The following FYB2 variants were observed in gnomAD, a reference collection of about 807,000 sequenced individuals.
FYB2 encodes FYN binding protein 2, also known as FYN-binding protein 2.
FYB2 carries 103 observed loss-of-function variants against 94.1 expected under a neutral mutation model. That is an observed-to-expected ratio of 1.09 (90% CI 0.93 to 1.29). The LOEUF is 1.29. Ranked by LOEUF, FYB2 falls within the 50% of genes most tolerant of loss-of-function variation. The pLI is 0.00. For missense variants in FYB2, 896 were observed against 841.5 expected, an observed-to-expected ratio of 1.06 and a Z score of -0.80; for synonymous variants, 293 against 287.9, an observed-to-expected ratio of 1.02 and a Z score of -0.18.
intron 2 of FYB2, among the ~76,000 whole-genome samples, chr1:56,789,544 A>T (rs1225856590): frequency 6.6e-6 from 1 of 152,220 alleles, no homozygotes; most frequent in East Asian, 1.9e-4. Context: ...GTTCTGGAAC[A>T]CTTTTCCCTT....
chr1:56,756,007 A>G, intron 6 of FYB2, 80 bp from the exon 7 acceptor site: 1 of 1,374,742 alleles, frequency 7.3e-7, no homozygotes, highest in Non-Finnish European at 1.0e-6. Flanking sequence ...ATCATTAGAG[A>G]CTACACCAAA....
chr1:56,780,062 T>C (rs1645972367), intron 4 of FYB2, among the ~76,000 whole-genome samples: 1 of 152,210 alleles, frequency 6.6e-6, no homozygotes, highest in Non-Finnish European at 1.5e-5. Context: ...GTCATTGGTC[T>C]AGAATGAGTC....
At chr1:56,738,698 T>A (rs767023993) in intron 13 of FYB2, 45 bp from the exon 14 acceptor site, 1 of 1,589,888 alleles carries the variant, frequency 6.3e-7, no homozygotes, top group East Asian at 2.2e-5. Context: ...AAAAAAACCA[T>A]GTTTGGAAAG....
intron 16 of FYB2, among the ~76,000 whole-genome samples, chr1:56,723,982 T>A (rs1644537140): frequency 6.6e-6 from 1 of 151,818 alleles, no homozygotes; most frequent in Non-Finnish European, 1.5e-5. Flanking sequence ...GGCAAGATAA[T>A]AACGGGATAA....
In FYB2 at chr1:56,720,074, A is replaced by G; in HGVS notation, c.2132-19T>C. 1.9e-6 allele frequency: 3 copies of G among 1,597,592 alleles called. No individual in the cohort carries two copies. Among genetic ancestry groups the G allele is most frequent in the Non-Finnish European group, 2.6e-6 (3 of 1,174,224 alleles). ...TATCCATCTAATAGAAACAAAAGTCACCGTTAATTTGAAAGTTATAGAGAA... is the reference window on the plus strand; with the variant it reads ...TATCCATCTAATAGAAACAAAAGTCGCCGTTAATTTGAAAGTTATAGAGAA... On this transcript the variant is annotated intron_variant, in intron 18 of 19. Transcript: ENST00000343433.
At chr1:56,812,686 C>T (rs2101089272) in intron 1 of FYB2, among the ~76,000 whole-genome samples, 1 of 152,242 alleles carries the variant, frequency 6.6e-6, no homozygotes, top group East Asian at 1.9e-4. Flanking sequence ...CAGGGAGGAA[C>T]ACTGACCATG....
chr1:56,814,618 T>C (rs1316290014), intron 1 of FYB2, among the ~76,000 whole-genome samples: 1 of 152,174 alleles, frequency 6.6e-6, no homozygotes, highest in Admixed American at 6.5e-5. Context: ...GACTTGTGAC[T>C]AATTGTGTGA....
intron 5 of FYB2, among the ~76,000 whole-genome samples, chr1:56,762,372 T>A (rs1257830759): frequency 1.3e-5 from 2 of 152,210 alleles, no homozygotes; most frequent in African/African-American, 4.8e-5. Context: ...AAACATGGTA[T>A]GTCTCTCCAC....
rs150617446 is a variant in FYB2 at position 56,795,785 on chromosome 1, C to T, written c.10-2982G>A. Reference sequence around the variant, plus strand: ...ACAATGTTGTTGCTTAGATTTTAGTCTCTGTAGGATTAATTAAGCAAAGCC... The same window carrying T: ...ACAATGTTGTTGCTTAGATTTTAGTTTCTGTAGGATTAATTAAGCAAAGCC... On this transcript the variant is annotated intron_variant, in intron 1 of 19. Coordinates refer to ENST00000343433, the MANE Select transcript of FYB2 (RefSeq NM_001004303.5). 2.3e-3 allele frequency among the ~76,000 whole-genome samples: 351 copies of T among 152,214 alleles called. 3 individuals carry two copies. The highest frequency in any genetic ancestry group is 8.0e-3 in the African/African-American group (333 of 41,514).
upstream of FYB2, chr1:56,824,024 G>A (rs1163490971): frequency 6.6e-6 from 1 of 152,170 alleles, no homozygotes; most frequent in East Asian, 1.9e-4. Context: ...CTCTCTTTGG[G>A]TTTGTTTTTC....
chr1:56,817,161 G>A (rs1000136970), intron 1 of FYB2, among the ~76,000 whole-genome samples: 1 of 152,166 alleles, frequency 6.6e-6, no homozygotes, highest in African/African-American at 2.4e-5. Context: ...GGAAATGCTT[G>A]AGTTTCAACA....
At chr1:56,762,606 T>C (rs1475148541) in intron 5 of FYB2, among the ~76,000 whole-genome samples, 1 of 152,224 alleles carries the variant, frequency 6.6e-6, no homozygotes, top group African/African-American at 2.4e-5. Context: ...AAATCATTTA[T>C]TAGTTCTAGG....
chr1:56,763,233 C>T (rs1331804326), intron 5 of FYB2, among the ~76,000 whole-genome samples: 3 of 152,106 alleles, frequency 2.0e-5, no homozygotes, highest in Admixed American at 1.3e-4. Context: ...TTCTTTTGTA[C>T]TGCCTTTGTC....
chr1:56,745,367 A>G (rs1447179455), intron 9 of FYB2, among the ~76,000 whole-genome samples: 2 of 151,954 alleles, frequency 1.3e-5, no homozygotes, highest in Non-Finnish European at 2.9e-5. Context: ...TACATTCCAA[A>G]CCAAAATCAT....
intron 1 of FYB2, among the ~76,000 whole-genome samples, chr1:56,810,668 A>T (rs1646747617): frequency 6.6e-6 from 1 of 152,210 alleles, no homozygotes; most frequent in East Asian, 1.9e-4. Flanking sequence ...AGACTTTGTT[A>T]CTTAGCTGAG....
At chr1:56,809,010 TATAG>T (rs1442150937) in intron 1 of FYB2, among the ~76,000 whole-genome samples, 1 of 152,212 alleles carries the variant, frequency 6.6e-6, no homozygotes, top group Non-Finnish European at 1.5e-5. Flanking sequence ...CATACACATA[TATAG>T]ATATAAATAT....
intron 1 of FYB2, among the ~76,000 whole-genome samples, chr1:56,799,087 G>A (rs1646463957): frequency 6.6e-6 from 1 of 152,042 alleles, no homozygotes; most frequent in African/African-American, 2.4e-5. Flanking sequence ...TATATATGAT[G>A]TCTTAATTAA....
chr1:56,750,277 G>C (rs1645164888), intron 9 of FYB2, among the ~76,000 whole-genome samples: 1 of 152,036 alleles, frequency 6.6e-6, no homozygotes, highest in African/African-American at 2.4e-5. Context: ...GAAATTAGTA[G>C]TAGTATCACC....
Position 56,719,427 on chromosome 1 carries a change from C to T in FYB2, c.*244G>A. On this transcript the variant is annotated 3_prime_UTR_variant, in exon 20 of 20. Transcript: ENST00000343433. ...ATGCTAACACATACTGTTTCACATT[C>T]TCTTGAACTGACAGTGAAGTAGATA... 1 of 454,012 alleles carries T rather than the reference C, an allele frequency of 2.2e-6. No homozygotes were observed. The highest frequency in any genetic ancestry group is 3.9e-6 in the Non-Finnish European group (1 of 256,418). 28.1% of individuals were successfully genotyped at this position (454,012 alleles called of 1,614,324 possible). A position where few individuals can be genotyped will look rare whatever the true frequency, so the allele number is the denominator to read the frequency against.
Sources: allele counts gnomAD v4.1 joint callset (sites outside exome capture counted in the v4.1 genomes callset), GRCh38; gene constraint gnomAD v4.1.1; transcripts MANE v1.5; gene names NCBI Gene and HGNC (gene_info 2026-07-23, HGNC 2026-07-21).